Variants in DSCAML1 observed in about 807,000 individuals in gnomAD.
DSCAML1 encodes the protein cell adhesion molecule DSCAML1.
In DSCAML1, 38 loss-of-function variants were observed where a neutral mutation model predicts 200.5. The observed-to-expected ratio is 0.19, with a 90% CI of 0.15 to 0.25. The LOEUF (loss-of-function observed/expected upper bound fraction) is 0.25. Ranked by LOEUF, DSCAML1 falls within the 10% of genes least tolerant of loss-of-function variation. DSCAML1 has a pLI of 1.00. For missense variants in DSCAML1, 2,223 were observed against 2,858.8 expected, an observed-to-expected ratio of 0.78 and a Z score of 5.07; for synonymous variants, 1,215 against 1,165.0, an observed-to-expected ratio of 1.04 and a Z score of -0.87.
chr11:117,439,216 T>G (rs1461582559), intron 23 of DSCAML1, 50 bp downstream of exon 23: 3 of 1,601,446 alleles, frequency 1.9e-6, no homozygotes, highest in Non-Finnish European at 2.6e-6. Flanking sequence ...ATCCCTACCC[T>G]TTCTCCATCC....
chr11:117,521,651 C>G (rs2049889428), intron 5 of DSCAML1, among the ~76,000 whole-genome samples: 1 of 152,104 alleles, frequency 6.6e-6, no homozygotes, highest in Non-Finnish European at 1.5e-5. Context: ...GGCCTGTGCT[C>G]CCCTAAAACG....
chr11:117,448,235 A>G (rs1409832320), intron 20 of DSCAML1, among the ~76,000 whole-genome samples: 2 of 152,170 alleles, frequency 1.3e-5, no homozygotes, highest in East Asian at 1.9e-4. Context: ...TCAGAGGAGG[A>G]AATGACTGCA....
At chr11:117,812,900 C>A (rs2134091128) in intron 1 of DSCAML1, among the ~76,000 whole-genome samples, 1 of 151,992 alleles carries the variant, frequency 6.6e-6, no homozygotes, top group South Asian at 2.1e-4. Context: ...TAGCCTAGCC[C>A]TCATGTCTGC....
intron 1 of DSCAML1, among the ~76,000 whole-genome samples, chr11:117,788,575 C>T (rs1443288871): frequency 6.6e-6 from 1 of 152,234 alleles, no homozygotes; most frequent in Non-Finnish European, 1.5e-5. Flanking sequence ...GATCCGCCTG[C>T]CTCGGCCTCC....
chr11:117,460,667 T>G (rs937031495), intron 18 of DSCAML1, among the ~76,000 whole-genome samples: 5 of 152,162 alleles, frequency 3.3e-5, no homozygotes, highest in Non-Finnish European at 7.4e-5. Context: ...GGGAAGCTAC[T>G]CAAACCTGTT....
intron 3 of DSCAML1, among the ~76,000 whole-genome samples, chr11:117,688,733 G>A (rs2053449381): frequency 6.6e-6 from 1 of 152,248 alleles, no homozygotes; most frequent in Non-Finnish European, 1.5e-5. Flanking sequence ...ATACTTCGAA[G>A]AGGCTGAAGG....
intron 3 of DSCAML1, among the ~76,000 whole-genome samples, chr11:117,766,942 C>G (rs1187620435): frequency 1.2e-4 from 18 of 152,104 alleles, no homozygotes; most frequent in Admixed American, 1.2e-3. Context: ...TTGAGAGCTC[C>G]TAGGGCATAG....
intron 3 of DSCAML1, among the ~76,000 whole-genome samples, chr11:117,732,327 G>A (rs1028141278): frequency 6.6e-6 from 1 of 152,220 alleles, no homozygotes; most frequent in Non-Finnish European, 1.5e-5. Context: ...TGCACCAACA[G>A]TGATGTGGCA....
At chr11:117,781,656 C>A (rs1034499902) in intron 1 of DSCAML1, among the ~76,000 whole-genome samples, 3 of 152,230 alleles carry the variant, frequency 2.0e-5, no homozygotes, top group African/African-American at 7.2e-5. Context: ...AGCTTCTAAA[C>A]CCAGTCCTCA....
intron 20 of DSCAML1, among the ~76,000 whole-genome samples, chr11:117,448,351 C>T (rs571575479): frequency 6.6e-6 from 1 of 152,296 alleles, no homozygotes; most frequent in Admixed American, 6.5e-5. Flanking sequence ...ATTCATTCTT[C>T]GAATGTGTAT....
rs1555186468 is a variant in DSCAML1, at chr11:117,577,526, C to CTTCCTTCT, written c.512-45005_512-45004insAGAAGGAA. On this transcript the variant is annotated intron_variant, in intron 3 of 32. Coordinates refer to ENST00000651296, the MANE Select transcript of DSCAML1 (RefSeq NM_020693.4). ...CCTTCCCTCCTTCCTTCCTTCCTTC[C>CTTCCTTCT]TTCCTTCCTTTCCTTCCTTCCCTCC... Among the ~76,000 whole-genome samples the CTTCCTTCT allele has an allele frequency of 3.9e-3, 210 of 53,562 alleles. 2 individuals are homozygous for CTTCCTTCT. The highest frequency in any genetic ancestry group is 5.6e-3 in the Non-Finnish European group (148 of 26,244). 35.1% of individuals were successfully genotyped at this position (53,562 alleles called of 152,430 possible). A position where few individuals can be genotyped will look rare whatever the true frequency, so the allele number is the denominator to read the frequency against.
intron 3 of DSCAML1, among the ~76,000 whole-genome samples, chr11:117,595,607 C>T (rs933631351): frequency 3.9e-5 from 6 of 152,184 alleles, no homozygotes; most frequent in Non-Finnish European, 8.8e-5. Flanking sequence ...CCAGGGCCGG[C>T]CCCGCCCAAT....
intron 3 of DSCAML1, among the ~76,000 whole-genome samples, chr11:117,669,277 C>A (rs1421219514): frequency 6.6e-6 from 1 of 152,210 alleles, no homozygotes; most frequent in East Asian, 1.9e-4. Flanking sequence ...AGCACTGGCA[C>A]AGGCAGGCAC....
At chr11:117,562,382 C>T (rs1310357255) in intron 3 of DSCAML1, among the ~76,000 whole-genome samples, 2 of 152,224 alleles carry the variant, frequency 1.3e-5, no homozygotes, top group Non-Finnish European at 2.9e-5. Context: ...TGTGTGCCAG[C>T]CCCATGCAAG....
chr11:117,758,362 G>C (rs1201807330), intron 3 of DSCAML1, among the ~76,000 whole-genome samples: 1 of 151,130 alleles, frequency 6.6e-6, no homozygotes, highest in African/African-American at 2.4e-5. Context: ...GAATTTTCAG[G>C]GTTGTAAATA....
At chr11:117,512,061 T>C (rs1353958032) in intron 8 of DSCAML1, among the ~76,000 whole-genome samples, 3 of 152,210 alleles carry the variant, frequency 2.0e-5, no homozygotes, top group Non-Finnish European at 2.9e-5. Flanking sequence ...TGGAGCAGCA[T>C]GGGTTTCAGC....
At chr11:117,531,841 A>G (rs1358074529) in intron 4 of DSCAML1, among the ~76,000 whole-genome samples, 1 of 151,414 alleles carries the variant, frequency 6.6e-6, no homozygotes, top group East Asian at 1.9e-4. Flanking sequence ...AGCCAAGATC[A>G]TGCCATTGCA....
In DSCAML1 at chr11:117,437,333, C is replaced by G; in HGVS notation, c.4509G>C (p.Trp1503Cys). 2 of 1,614,232 alleles carry G rather than the reference C, an allele frequency of 1.2e-6. No individual in the cohort carries two copies. The highest frequency in any genetic ancestry group is 1.7e-6 in the Non-Finnish European group (2 of 1,180,046). ...STHARLNLQG[W>C]NNGGCPITAI... ...CTGTGATAGGGCAGCCCCCATTGTT[C>G]CAGCCCTGCAGGTTAAGCCGAGCAT... The change falls in exon 26 of 33, where the codon TGG (tryptophan) becomes TGC (cysteine). Residue 1503 changes from tryptophan (W) to cysteine (C), a missense_variant. Physicochemically the swap from Trp to Cys is radical, Grantham distance 215 (BLOSUM62 -2). Transcript: ENST00000651296. This position sits in a 1 kb window ranked among gnomAD's most constrained non-coding sequence, Gnocchi z 5.3.
Position 117,469,699 on chromosome 11 carries a change from G to A in DSCAML1, c.3024+211C>T. 6.6e-6 allele frequency among the ~76,000 whole-genome samples: 1 copy of A among 152,128 alleles called. No homozygotes were observed. Among genetic ancestry groups the A allele is most frequent in the East Asian group, 1.9e-4 (1 of 5,178 alleles). ...GCAGAGCCTCCATCAGAGAACCAGG[G>A]AGGAGAGGGAAGTGGGGATTATTGT... is the stretch of plus-strand genomic sequence containing the variant. On this transcript the variant is annotated intron_variant, in intron 16 of 32. Transcript: ENST00000651296. The surrounding 1 kb of genome is among the most constrained non-coding windows in gnomAD (Gnocchi z 4.1).
Sources: allele counts gnomAD v4.1 joint callset (sites outside exome capture counted in the v4.1 genomes callset), GRCh38; gene constraint gnomAD v4.1.1; non-coding constraint Gnocchi (gnomAD v3.1); transcripts MANE v1.5; gene names NCBI Gene and HGNC (gene_info 2026-07-23, HGNC 2026-07-21).